The following MTMR8 variants were observed in gnomAD, a reference collection of about 807,000 sequenced individuals.
MTMR8 encodes the protein phosphatidylinositol-3,5-bisphosphate 3-phosphatase MTMR8.
Under a neutral mutation model 39.3 loss-of-function variants are expected in MTMR8, and 65 were observed. The observed-to-expected ratio is 1.65, with a 90% CI of 1.35 to 2.03. The LOEUF (loss-of-function observed/expected upper bound fraction) is 2.03. MTMR8 is among the 30% of genes most tolerant of loss of function. The pLI is 0.00. For missense variants in MTMR8, 777 were observed against 538.9 expected, an observed-to-expected ratio of 1.44 and a Z score of -4.37; for synonymous variants, 245 against 185.2, an observed-to-expected ratio of 1.32 and a Z score of -2.62.
intron 12 of MTMR8, among the ~76,000 whole-genome samples, chrX:64,291,531 C>A (rs1268388316): frequency 9.0e-6 from 1 of 110,802 alleles, no homozygotes; most frequent in Non-Finnish European, 1.9e-5. Flanking sequence ...CCCCACACAC[C>A]CCTCAAAAAG....
intron 1 of MTMR8, chrX:64,360,254 G>A (rs1045419362): frequency 3.6e-5 from 6 of 165,327 alleles, no homozygotes; most frequent in African/African-American, 1.6e-4. Context: ...AGAAGATATA[G>A]CCATCATAAA....
intron 12 of MTMR8, among the ~76,000 whole-genome samples, chrX:64,313,518 T>C (rs1217732474): frequency 1.8e-5 from 2 of 112,811 alleles, no homozygotes; most frequent in African/African-American, 6.4e-5. Flanking sequence ...GAACTTTTCC[T>C]TCACATTCAC....
intron 12 of MTMR8, among the ~76,000 whole-genome samples, chrX:64,309,461 C>CAAA (rs200696048): frequency 9.4e-6 from 1 of 105,952 alleles, no homozygotes; most frequent in African/African-American, 3.4e-5. Flanking sequence ...CTTGTAAATG[C>CAAA]AAAAAAAAAC....
At chrX:64,294,074 C>A (rs1057317864) in intron 12 of MTMR8, among the ~76,000 whole-genome samples, 1 of 111,644 alleles carries the variant, frequency 9.0e-6, no homozygotes, top group Non-Finnish European at 1.9e-5. Flanking sequence ...ATTTAAATAA[C>A]GTGTACTGAT....
intron 12 of MTMR8, among the ~76,000 whole-genome samples, chrX:64,303,166 ATT>A (rs780931870): frequency 9.0e-6 from 1 of 110,732 alleles, no homozygotes; most frequent in Non-Finnish European, 1.9e-5. Flanking sequence ...TATTGTAACC[ATT>A]TTTTTTTATT....
chrX:64,390,164 G>C (rs761396549), intron 1 of MTMR8, among the ~76,000 whole-genome samples: 1 of 112,108 alleles, frequency 8.9e-6, no homozygotes, highest in African/African-American at 3.2e-5. Context: ...AAGACTGGGA[G>C]GAAGCAATTA....
At chrX:64,326,052 T>C (rs1247941015) in intron 12 of MTMR8, among the ~76,000 whole-genome samples, 1 of 112,115 alleles carries the variant, frequency 8.9e-6, no homozygotes, top group African/African-American at 3.2e-5. Context: ...TTATATGTAT[T>C]ATACACTGTA....
At chrX:64,291,791 CTA>C (rs1267845486) in intron 12 of MTMR8, among the ~76,000 whole-genome samples, 1 of 111,539 alleles carries the variant, frequency 9.0e-6, no homozygotes, top group Non-Finnish European at 1.9e-5. Flanking sequence ...GAATTACACT[CTA>C]TATTTTCTAT....
In MTMR8 at chrX:64,289,426, G is replaced by A. The variant is rs1213647651; in HGVS notation, c.1482-18353C>T. Among the ~76,000 whole-genome samples the A allele has an allele frequency of 6.4e-5, 7 of 109,615 alleles. No individual in the cohort carries two copies. The South Asian group carries it at 1.9e-3, about 30-fold the overall frequency. ...ATCCAGAAATTCCACTTCCAGATACGTATCAAAAGAATAGGAGCCTGAACA... is the reference window on the plus strand; with the variant it reads ...ATCCAGAAATTCCACTTCCAGATACATATCAAAAGAATAGGAGCCTGAACA... On this transcript the variant is annotated intron_variant, in intron 12 of 13. Coordinates refer to ENST00000374852, the MANE Select transcript of MTMR8 (RefSeq NM_017677.4).
intron 1 of MTMR8, among the ~76,000 whole-genome samples, chrX:64,366,419 G>A (rs1250626174): frequency 8.9e-6 from 1 of 112,214 alleles, no homozygotes; most frequent in African/African-American, 3.2e-5. Context: ...TCAGACCACA[G>A]TGCAATCAAA....
intron 8 of MTMR8, among the ~76,000 whole-genome samples, chrX:64,341,698 T>C (rs1923223465): frequency 9.0e-6 from 1 of 111,247 alleles, no homozygotes; most frequent in Non-Finnish European, 1.9e-5. Flanking sequence ...AAGTGCTCAA[T>C]TTCCACATGT....
chrX:64,392,577 C>CTTTT (rs1406534224), intron 1 of MTMR8, among the ~76,000 whole-genome samples: 2 of 105,837 alleles, frequency 1.9e-5, no homozygotes, highest in African/African-American at 7.7e-5. Context: ...TAGTAATGTT[C>CTTTT]TTTTTTTTGT....
chrX:64,298,057 C>A (rs1268231823), intron 12 of MTMR8, among the ~76,000 whole-genome samples: 7 of 78,028 alleles, frequency 9.0e-5, no homozygotes, highest in Non-Finnish European at 1.2e-4. Flanking sequence ...ATTGACTTGG[C>A]GATGCGGGCT....
intron 12 of MTMR8, among the ~76,000 whole-genome samples, chrX:64,296,168 C>A (rs1921573030): frequency 9.0e-6 from 1 of 111,575 alleles, no homozygotes. Context: ...TGGATGGACC[C>A]TGAAAACACT....
At chrX:64,373,917 A>T (rs1412744764) in intron 1 of MTMR8, among the ~76,000 whole-genome samples, 1 of 111,736 alleles carries the variant, frequency 8.9e-6, no homozygotes, top group Non-Finnish European at 1.9e-5. Flanking sequence ...CAAAGAAAAA[A>T]AGCCAAATGG....
intron 1 of MTMR8, among the ~76,000 whole-genome samples, chrX:64,379,170 A>C (rs1924346785): frequency 8.9e-6 from 1 of 111,784 alleles, no homozygotes; most frequent in South Asian, 3.7e-4. Context: ...GTTTAGGTCC[A>C]GATGGTTTCA....
At chrX:64,310,515 T>A (rs995893448) in intron 12 of MTMR8, among the ~76,000 whole-genome samples, 2 of 111,579 alleles carry the variant, frequency 1.8e-5, no homozygotes, top group Non-Finnish European at 3.8e-5. Context: ...TTTAGAAAAA[T>A]TATACTTTAA....
At chrX:64,358,839 G>A (rs1923696077) in intron 2 of MTMR8, among the ~76,000 whole-genome samples, 1 of 86,684 alleles carries the variant, frequency 1.2e-5, no homozygotes, top group South Asian at 4.5e-4. Context: ...ACATGCCCGT[G>A]CATGCACACA....
intron 5 of MTMR8, 50 bp downstream of exon 5, chrX:64,349,892 G>T (rs377577856): frequency 1.6e-4 from 162 of 1,034,614 alleles, no homozygotes; most frequent in Non-Finnish European, 2.0e-4. Context: ...CTTAAAACAG[G>T]TCTTCCAGAG....
Sources: gnomAD v4.1 joint callset for allele counts (sites outside exome capture counted in the v4.1 genomes callset) on GRCh38, gnomAD v4.1.1 for gene constraint, MANE v1.5 for transcripts, NCBI Gene and HGNC (gene_info 2026-07-23, HGNC 2026-07-21) for gene names.